RIF1: variants seen among roughly 807,000 people sequenced by gnomAD.
RIF1 encodes the protein telomere-associated protein RIF1.
Under a neutral mutation model 247.1 loss-of-function variants are expected in RIF1, and 45 were observed. The observed-to-expected ratio is 0.18, with a 90% CI of 0.14 to 0.23. The LOEUF is 0.23. Ranked by LOEUF, RIF1 falls within the 10% of genes least tolerant of loss-of-function variation. The probability of loss-of-function intolerance (pLI) is 1.00; values close to 1 mark genes in which losing one functional copy is unlikely to be tolerated. For synonymous variants in RIF1, 1,087 were observed against 978.8 expected, an observed-to-expected ratio of 1.11 and a Z score of -2.06; for missense variants, 2,967 against 2,862.5, an observed-to-expected ratio of 1.04 and a Z score of -0.83.
At chr2:151,413,949 A>C (rs1034353419) in intron 3 of RIF1, among the ~76,000 whole-genome samples, 1 of 152,196 alleles carries the variant, frequency 6.6e-6, no homozygotes, top group African/African-American at 2.4e-5. Flanking sequence ...AAACTTTCAT[A>C]TTGAGATACT....
At chr2:151,497,641 T>C in intron 10 of RIF1, 1 of 1,577,378 alleles carries the variant, frequency 6.3e-7, no homozygotes, top group Non-Finnish European at 8.6e-7. Flanking sequence ...TAATATTTTC[T>C]TGATTGTGTT....
At chr2:151,443,200 T>C in intron 16 of RIF1, 59 bp from the exon 17 acceptor site, 1 of 1,101,204 alleles carries the variant, frequency 9.1e-7, no homozygotes, top group Non-Finnish European at 1.3e-6. Flanking sequence ...TAACCAATTA[T>C]AAAAAACAAA....
the RIF1 span, chr2:151,524,654 CTTTTTTTTTTTTTTTTTT>C: frequency 3.5e-5 from 9 of 257,364 alleles, no homozygotes; most frequent in East Asian, 3.2e-4. Flanking sequence ...AAGAGAGAGG[CTTTTTTTTTTTTTTTTTT>C]TTTTTTTTTT....
chr2:151,437,388 G>C (rs1691430034), intron 13 of RIF1, 37 bp downstream of exon 13: 3 of 1,518,776 alleles, frequency 2.0e-6, no homozygotes, highest in South Asian at 2.3e-5. Flanking sequence ...TCAAATGTGT[G>C]TTTAAAAAGA....
chr2:151,475,978 CA>C lies in RIF1; in HGVS notation c.*910del. 1 of 152,618 alleles carries C rather than the reference CA, an allele frequency of 6.6e-6. No individual in the cohort carries two copies. The highest frequency in any genetic ancestry group is 6.5e-5 in the Admixed American group (1 of 15,288). 9.5% of individuals were successfully genotyped at this position (152,618 alleles called of 1,614,324 possible). On this transcript the variant is annotated 3_prime_UTR_variant, in exon 36 of 36. Transcript: ENST00000444746. Reference sequence around the variant, plus strand: ...GATACTGTATCTGCAAATGCAACAACAAATAGTTTTGTACTTGGTTAACAGT... The same window carrying C: ...GATACTGTATCTGCAAATGCAACAACAATAGTTTTGTACTTGGTTAACAGT...
At chr2:151,432,410 T>C (rs1690333467) in intron 9 of RIF1, among the ~76,000 whole-genome samples, 1 of 152,214 alleles carries the variant, frequency 6.6e-6, no homozygotes, top group South Asian at 2.1e-4. Flanking sequence ...TTCTGAAGAT[T>C]GGATTTAATT....
chr2:151,443,031 C>T (rs920951746), intron 16 of RIF1, among the ~76,000 whole-genome samples: 1 of 151,966 alleles, frequency 6.6e-6, no homozygotes, highest in African/African-American at 2.4e-5. Flanking sequence ...CCGCCTCGGC[C>T]TCCCAAAGTG....
intron 11 of RIF1, among the ~76,000 whole-genome samples, chr2:151,500,031 C>T (rs1033286528): frequency 6.6e-6 from 1 of 151,952 alleles, no homozygotes; most frequent in Admixed American, 6.6e-5. Flanking sequence ...CTGTAGTATA[C>T]AAGAAAATAA....
At chr2:151,520,626 A>G in the RIF1 span, among the ~76,000 whole-genome samples, 17 of 152,164 alleles carry the variant, frequency 1.1e-4, no homozygotes, top group African/African-American at 3.6e-4. Context: ...GCACTTTAGG[A>G]GGCCAAGGTG....
chr2:151,497,058 A>G (rs2060703440), intron 10 of RIF1: 1 of 1,552,484 alleles, frequency 6.4e-7, no homozygotes, highest in African/African-American at 1.4e-5. Flanking sequence ...AGCAACCAGA[A>G]AAACAACCAT....
intron 25 of RIF1, 66 bp from the exon 26 acceptor site, chr2:151,459,934 C>T (rs1037704201): frequency 1.3e-5 from 17 of 1,274,942 alleles, no homozygotes; most frequent in African/African-American, 1.1e-4. Context: ...ATTTTCAAAA[C>T]GTGAAAAGGA....
intron 35 of RIF1, 65 bp downstream of exon 35, chr2:151,474,137 AT>A (rs958451023): frequency 1.3e-4 from 106 of 804,876 alleles, no homozygotes; most frequent in Non-Finnish European, 1.6e-4. Flanking sequence ...GAAATATGTT[AT>A]TTTTTTTAGT....
chr2:151,503,483 G>A (rs745308961), intron 12 of RIF1: 62 of 1,389,692 alleles, frequency 4.5e-5, no homozygotes, highest in Admixed American at 5.1e-5. Context: ...TAAAATGACC[G>A]TAAATCCTTT....
At chr2:151,531,087 C>A in the RIF1 span, 1 of 1,608,152 alleles carries the variant, frequency 6.2e-7, no homozygotes, top group Non-Finnish European at 8.5e-7. Context: ...TGTTGTATTC[C>A]AATTTATAAA....
chr2:151,422,978 T>A lies in RIF1; in HGVS notation c.722T>A (p.Phe241Tyr). Residue 241 changes from phenylalanine (F) to tyrosine (Y), a missense_variant, in exon 8 of 36, where the codon TTT (phenylalanine) becomes TAT (tyrosine). Transcript: ENST00000444746. Reference protein sequence around the residue: ...TKLISELQKLFMSKNETYVLK... With the variant: ...TKLISELQKLYMSKNETYVLK... Reference sequence around the variant, plus strand: ...TTAATCTCAGAACTTCAGAAGCTATTTATGAGTAAAAATGAGACTTACGTG... The same window carrying A: ...TTAATCTCAGAACTTCAGAAGCTATATATGAGTAAAAATGAGACTTACGTG... 1 of 1,589,498 alleles carries A rather than the reference T, an allele frequency of 6.3e-7. No homozygotes were observed. The highest frequency in any genetic ancestry group is 8.6e-7 in the Non-Finnish European group (1 of 1,160,016).
chr2:151,440,153 C>A, intron 15 of RIF1, 26 bp downstream of exon 15: 1 of 1,184,846 alleles, frequency 8.4e-7, no homozygotes, highest in Non-Finnish European at 1.2e-6. Flanking sequence ...GTATGTTGGA[C>A]TTTAAAAACC....
At chr2:151,416,715 C>G (rs1687274979) in intron 5 of RIF1, 27 bp downstream of exon 5, 2 of 1,608,912 alleles carry the variant, frequency 1.2e-6, no homozygotes, top group South Asian at 2.2e-5. Context: ...GGTATGCCAT[C>G]TTAACTATAT....
the RIF1 span, among the ~76,000 whole-genome samples, chr2:151,532,476 A>G: frequency 2.0e-5 from 3 of 152,210 alleles, no homozygotes; most frequent in African/African-American, 7.2e-5. Flanking sequence ...TAAAAAATTC[A>G]TTTGTTTTTG....
intron 4 of RIF1, among the ~76,000 whole-genome samples, chr2:151,415,137 G>T (rs990668243): frequency 5.3e-5 from 8 of 151,542 alleles, no homozygotes; most frequent in Non-Finnish European, 1.0e-4. Context: ...CATGAGGTCA[G>T]GAGATCGAGA....
Sources: gnomAD v4.1 joint callset for allele counts (sites outside exome capture counted in the v4.1 genomes callset) on GRCh38, gnomAD v4.1.1 for gene constraint, MANE v1.5 for transcripts, NCBI Gene and HGNC (gene_info 2026-07-23, HGNC 2026-07-21) for gene names.